Variants in FOXO1 observed in about 807,000 individuals in gnomAD.
FOXO1 encodes forkhead box O1, also known as forkhead box protein O1.
In FOXO1, 6 loss-of-function variants were observed where a neutral mutation model predicts 44.1. The observed-to-expected ratio is 0.14, with a 90% CI of 0.07 to 0.27. The LOEUF (loss-of-function observed/expected upper bound fraction) is 0.27, where lower values mean the gene tolerates loss of function less well. Ranked by LOEUF, FOXO1 falls within the 10% of genes least tolerant of loss-of-function variation. The pLI is 1.00. For synonymous variants in FOXO1, 380 were observed against 362.7 expected, an observed-to-expected ratio of 1.05 and a Z score of -0.54; for missense variants, 737 against 888.8, an observed-to-expected ratio of 0.83 and a Z score of 2.17.
At chr13:40,621,686 C>G (rs774405172) in intron 1 of FOXO1, among the ~76,000 whole-genome samples, 7 of 152,152 alleles carry the variant, frequency 4.6e-5, no homozygotes, top group Non-Finnish European at 1.0e-4. Flanking sequence ...TCCTTAATAG[C>G]ACAGCAGACT....
At chr13:40,660,562 G>A (rs2137943853) in intron 1 of FOXO1, among the ~76,000 whole-genome samples, 1 of 152,360 alleles carries the variant, frequency 6.6e-6, no homozygotes, top group South Asian at 2.1e-4. Context: ...CATGTTTACA[G>A]TCTGCAAGGC....
Position 40,558,338 on chromosome 13 carries a change from T to A in FOXO1, c.*711A>T, listed in dbSNP as rs1482773701. On this transcript the variant is annotated 3_prime_UTR_variant, in exon 3 of 3. Coordinates refer to ENST00000379561, the MANE Select transcript of FOXO1 (RefSeq NM_002015.4). ...TGGAAATTAGAACCATTTAAATGTT[T>A]GTACAAATTTGCAAATAACAAAATA... The A allele has an allele frequency of 6.5e-6, 1 of 152,720 alleles. No homozygotes were observed. Among genetic ancestry groups the A allele is most frequent in the African/African-American group, 2.4e-5 (1 of 41,450 alleles). 9.5% of individuals were successfully genotyped at this position (152,720 alleles called of 1,614,324 possible).
At chr13:40,620,516 G>T in intron 1 of FOXO1, 1 of 481,576 alleles carries the variant, frequency 2.1e-6, no homozygotes, top group South Asian at 2.2e-5. Flanking sequence ...CTCTAAGGGA[G>T]GGTTCAACCA....
chr13:40,578,037 G>A (rs539249298), intron 1 of FOXO1, among the ~76,000 whole-genome samples: 1 of 152,242 alleles, frequency 6.6e-6, no homozygotes, highest in African/African-American at 2.4e-5. Flanking sequence ...CCCACTGACT[G>A]GCACCTTTAC....
intron 1 of FOXO1, among the ~76,000 whole-genome samples, chr13:40,564,591 G>C (rs1477815963): frequency 6.6e-6 from 1 of 152,208 alleles, no homozygotes; most frequent in Non-Finnish European, 1.5e-5. Context: ...GGCCACAGGA[G>C]AGGCTGGATG....
At chr13:40,583,641 G>A (rs1875038579) in intron 1 of FOXO1, among the ~76,000 whole-genome samples, 1 of 152,204 alleles carries the variant, frequency 6.6e-6, no homozygotes, top group African/African-American at 2.4e-5. Context: ...TTCTTCTGCA[G>A]CTTCCTCACC....
In FOXO1 at chr13:40,557,396, G is replaced by A. The variant is rs544911766; in HGVS notation, c.*1653C>T. 1.3e-5 allele frequency: 2 copies of A among 152,332 alleles called. No homozygotes were observed. The highest frequency in any genetic ancestry group is 3.9e-4 in the East Asian group (2 of 5,194). 9.4% of individuals were successfully genotyped at this position (152,332 alleles called of 1,614,324 possible). A position where few individuals can be genotyped will look rare whatever the true frequency, so the allele number is the denominator to read the frequency against. ...AGGAATTACAGTTTAGGTTGCTACA[G>A]GCTAAAGAAATTTTCAAATTCTTAA... is the stretch of plus-strand genomic sequence containing the variant. On this transcript the variant is annotated 3_prime_UTR_variant, in exon 3 of 3. Coordinates refer to ENST00000379561, the MANE Select transcript of FOXO1 (RefSeq NM_002015.4).
At chr13:40,627,724 T>C (rs1280454994) in intron 1 of FOXO1, among the ~76,000 whole-genome samples, 1 of 151,508 alleles carries the variant, frequency 6.6e-6, no homozygotes, top group Non-Finnish European at 1.5e-5. Context: ...TCCCAGCTAC[T>C]CGGGAAGCTG....
At chr13:40,650,789 C>T (rs1172211696) in intron 1 of FOXO1, among the ~76,000 whole-genome samples, 1 of 152,196 alleles carries the variant, frequency 6.6e-6, no homozygotes, top group African/African-American at 2.4e-5. Context: ...GAGTCTCACT[C>T]TGTTACCCAG....
rs772067395 is a variant in FOXO1, at chr13:40,665,558, C to T, written c.630+25G>A. On this transcript the variant is annotated intron_variant, in intron 1 of 2. Coordinates refer to ENST00000379561, the MANE Select transcript of FOXO1 (RefSeq NM_002015.4). ...GCCTGACCCACCGCGCCCCCAAGGTCCGGCCGCGCGCCGAGTCCACTCACC... is the reference window on the plus strand; with the variant it reads ...GCCTGACCCACCGCGCCCCCAAGGTTCGGCCGCGCGCCGAGTCCACTCACC... 9 of 1,361,928 alleles carry T rather than the reference C, an allele frequency of 6.6e-6. No homozygotes were observed. In the African/African-American group the frequency reaches 1.2e-4, roughly 18 times the overall value. The allele number at this position is 1,361,928 out of a possible 1,614,324, so 84.4% of individuals were successfully genotyped here.
At chr13:40,631,914 A>G (rs1350611431) in intron 1 of FOXO1, among the ~76,000 whole-genome samples, 1 of 152,196 alleles carries the variant, frequency 6.6e-6, no homozygotes. Context: ...AACGGTTAAG[A>G]TAGTGTATTT....
At chr13:40,568,618 A>G (rs535885605) in intron 1 of FOXO1, among the ~76,000 whole-genome samples, 27 of 152,382 alleles carry the variant, frequency 1.8e-4, no homozygotes, top group African/African-American at 6.5e-4. Context: ...CAATGTTAGA[A>G]AGTGTTTAAC....
At chr13:40,610,191 G>A (rs375392692) in intron 1 of FOXO1, among the ~76,000 whole-genome samples, 1 of 152,146 alleles carries the variant, frequency 6.6e-6, no homozygotes, top group Non-Finnish European at 1.5e-5. Flanking sequence ...GACATCCGGG[G>A]TGCTTTTTGT....
intron 1 of FOXO1, among the ~76,000 whole-genome samples, chr13:40,618,513 A>C (rs992466117): frequency 1.2e-4 from 18 of 152,206 alleles, no homozygotes; most frequent in African/African-American, 4.3e-4. Flanking sequence ...AAGCCGAGTG[A>C]TGAGGGCAGA....
intron 1 of FOXO1, among the ~76,000 whole-genome samples, chr13:40,657,075 A>G (rs773611506): frequency 3.3e-5 from 5 of 152,120 alleles, no homozygotes; most frequent in Non-Finnish European, 5.9e-5. Context: ...CTTCGCACTC[A>G]GAGAAACTGA....
intron 1 of FOXO1, among the ~76,000 whole-genome samples, chr13:40,570,275 A>G (rs1353265986): frequency 1.3e-5 from 2 of 151,766 alleles, no homozygotes; most frequent in Admixed American, 6.6e-5. Context: ...GCGCCACTGC[A>G]CTCCAGCCCG....
At chr13:40,581,957 A>G (rs1223784005) in intron 1 of FOXO1, among the ~76,000 whole-genome samples, 2 of 152,156 alleles carry the variant, frequency 1.3e-5, no homozygotes, top group Non-Finnish European at 1.5e-5. Context: ...CAAACTCTGG[A>G]ATTAGTGGCT....
chr13:40,623,921 TA>T (rs776362097), intron 1 of FOXO1, among the ~76,000 whole-genome samples: 1,786 of 125,064 alleles, frequency 0.014, 12 homozygotes, highest in Non-Finnish European at 0.021. Flanking sequence ...CACCATCTCT[TA>T]AAAAAAAAAA....
chr13:40,559,429 G>A, intron 2 of FOXO1, 80 bp downstream of exon 2: 3 of 1,297,462 alleles, frequency 2.3e-6, no homozygotes, highest in South Asian at 1.4e-5. Context: ...TCAAAGATGT[G>A]CTAACCATGG....
Sources: gnomAD v4.1 joint callset for allele counts (sites outside exome capture counted in the v4.1 genomes callset) on GRCh38, gnomAD v4.1.1 for gene constraint, MANE v1.5 for transcripts, NCBI Gene and HGNC (gene_info 2026-07-23, HGNC 2026-07-21) for gene names.